The following FAM185A variants were observed in gnomAD, a reference collection of about 807,000 sequenced individuals.
The protein encoded by FAM185A is protein FAM185A.
FAM185A carries 21 observed loss-of-function variants against 45.7 expected under a neutral mutation model. The observed-to-expected ratio is 0.46, with a 90% CI of 0.33 to 0.66. The LOEUF (loss-of-function observed/expected upper bound fraction) is 0.66, where lower values mean the gene tolerates loss of function less well. FAM185A is among the 30% of genes least tolerant of loss of function. The pLI is 0.03. For missense variants in FAM185A, 305 were observed against 485.4 expected (o/e 0.63, Z 3.49); for synonymous variants, 117 against 194.0 (o/e 0.60, Z 3.30).
rs1256594483 is a variant in FAM185A at position 102,749,193 on chromosome 7, C to A, written c.-15C>A. On this transcript the variant is annotated 5_prime_UTR_variant, in exon 1 of 8. Transcript: ENST00000413034. ...GTGGCTGAAGTGTTCTGAGGACTGGCGAGAGAGGCGCGCCATGCTTGCCCC... is the reference window on the plus strand; with the variant it reads ...GTGGCTGAAGTGTTCTGAGGACTGGAGAGAGAGGCGCGCCATGCTTGCCCC... The A allele has an allele frequency of 1.1e-5, 17 of 1,551,070 alleles. No individual in the cohort carries two copies. The highest frequency in any genetic ancestry group is 1.7e-4 in the Middle Eastern group (1 of 6,002).
chr7:102,827,455 C>A, the FAM185A span, among the ~76,000 whole-genome samples: 1 of 152,138 alleles, frequency 6.6e-6, no homozygotes, highest in East Asian at 1.9e-4. Flanking sequence ...ACTGGTTACA[C>A]AGCAAAAGAT....
chr7:102,822,368 T>C, the FAM185A span: 4 of 742,438 alleles, frequency 5.4e-6, no homozygotes, highest in East Asian at 2.7e-5. Flanking sequence ...AAGACTGAGA[T>C]AAAGATAGAG....
Position 102,792,925 on chromosome 7 carries a change from A to G in FAM185A, c.1066+5456A>G, listed in dbSNP as rs138054309. Among the ~76,000 whole-genome samples, 859 of 152,336 alleles carry G rather than the reference A, an allele frequency of 5.6e-3. 9 individuals carry two copies. The highest frequency in any genetic ancestry group is 0.019 in the African/African-American group (800 of 41,572). On this transcript the variant is annotated intron_variant, in intron 7 of 7. Transcript: ENST00000413034. ...TCATAAGATGCCACTTTAAAAATCTAGAGACACTGTTTTCTCTCCAAATCG... is the reference window on the plus strand; with the variant it reads ...TCATAAGATGCCACTTTAAAAATCTGGAGACACTGTTTTCTCTCCAAATCG...
intron 7 of FAM185A, among the ~76,000 whole-genome samples, chr7:102,794,573 A>G (rs922299917): frequency 6.6e-6 from 1 of 152,194 alleles, no homozygotes; most frequent in African/African-American, 2.4e-5. Flanking sequence ...AAAATGATAC[A>G]GCTACTCTAT....
At chr7:102,753,524 A>G (rs1584269400) in intron 2 of FAM185A, among the ~76,000 whole-genome samples, 1 of 152,056 alleles carries the variant, frequency 6.6e-6, no homozygotes, top group African/African-American at 2.4e-5. Context: ...TTTGGCCTCT[A>G]CCTTTTAGAT....
chr7:102,833,120 A>G, the FAM185A span: 3 of 812,488 alleles, frequency 3.7e-6, no homozygotes, highest in Non-Finnish European at 5.7e-6. Context: ...TAAAAAACCC[A>G]TGTTACATCC....
the FAM185A span, chr7:102,821,890 C>A: frequency 1.7e-5 from 14 of 844,300 alleles, no homozygotes; most frequent in Admixed American, 5.4e-5. Flanking sequence ...TAGAACAACT[C>A]ACAATGTTAG....
At chr7:102,776,867 G>A (rs1272520078) in intron 5 of FAM185A, among the ~76,000 whole-genome samples, 2 of 151,672 alleles carry the variant, frequency 1.3e-5, no homozygotes, top group Non-Finnish European at 2.9e-5. Flanking sequence ...CTATACATGA[G>A]GTAGAATTCT....
chr7:102,750,749 A>G lies in FAM185A; in HGVS notation c.452-943A>G, dbSNP rs188891980. Among the ~76,000 whole-genome samples, 390 of 152,356 alleles carry G rather than the reference A, an allele frequency of 2.6e-3. 3 individuals carry two copies. The highest frequency in any genetic ancestry group is 8.9e-3 in the African/African-American group (370 of 41,576). On this transcript the variant is annotated intron_variant, in intron 1 of 7. Coordinates refer to ENST00000413034, the MANE Select transcript of FAM185A (RefSeq NM_001145268.2). ...TCATCAATATTTATGTTAATTCCAA[A>G]TTAAATATCAGCGTTTTTAATTTTT...
intron 7 of FAM185A, among the ~76,000 whole-genome samples, chr7:102,807,387 C>T (rs1393066382): frequency 6.6e-6 from 1 of 152,088 alleles, no homozygotes; most frequent in Admixed American, 6.5e-5. Context: ...CAGTAAAGCT[C>T]TTTTTAAAGA....
At chr7:102,770,931 C>A (rs1192975623) in intron 4 of FAM185A, among the ~76,000 whole-genome samples, 2 of 152,258 alleles carry the variant, frequency 1.3e-5, no homozygotes, top group Admixed American at 1.3e-4. Context: ...CAGCTCTATT[C>A]ACAATAGCAA....
chr7:102,849,472 C>G, the FAM185A span, among the ~76,000 whole-genome samples: 1 of 152,110 alleles, frequency 6.6e-6, no homozygotes, highest in African/African-American at 2.4e-5. Context: ...ATTCATTTTT[C>G]TCATTAAGCG....
At chr7:102,810,470 G>A (rs955263462), downstream of FAM185A, among the ~76,000 whole-genome samples, 2 of 152,024 alleles carry the variant, frequency 1.3e-5, no homozygotes, top group African/African-American at 4.8e-5. Context: ...GGCCTCATGT[G>A]ATCTGCCTGC....
chr7:102,777,850 C>A (rs1795162278), intron 6 of FAM185A, among the ~76,000 whole-genome samples: 2 of 152,070 alleles, frequency 1.3e-5, no homozygotes, highest in Admixed American at 6.5e-5. Context: ...TATGATATGT[C>A]TCTATCATTT....
rs538767931 is a variant in FAM185A, at chr7:102,799,738, G to A, written c.1067-8552G>A. Among the ~76,000 whole-genome samples the A allele has an allele frequency of 1.7e-3, 258 of 152,204 alleles. 1 individual carries two copies. Among genetic ancestry groups the A allele is most frequent in the African/African-American group, 5.7e-3 (236 of 41,532 alleles). On this transcript the variant is annotated intron_variant, in intron 7 of 7. Coordinates refer to ENST00000413034, the MANE Select transcript of FAM185A (RefSeq NM_001145268.2). ...GGCTTGTAGCAAGAGAAGGGAAAGTGTTTGTTTGTAGGGACCAAGCAAGGA... is the reference window on the plus strand; with the variant it reads ...GGCTTGTAGCAAGAGAAGGGAAAGTATTTGTTTGTAGGGACCAAGCAAGGA...
At chr7:102,839,847 C>A in the FAM185A span, among the ~76,000 whole-genome samples, 1 of 151,828 alleles carries the variant, frequency 6.6e-6, no homozygotes, top group Non-Finnish European at 1.5e-5. Flanking sequence ...TATATTTAAA[C>A]ATATAAAATA....
intron 4 of FAM185A, among the ~76,000 whole-genome samples, chr7:102,771,586 G>A (rs1386678298): frequency 3.3e-5 from 5 of 151,944 alleles, no homozygotes. Flanking sequence ...TATATGAAAT[G>A]AGATAAAATG....
intron 1 of FAM185A, 124 bp from the exon 2 acceptor site, chr7:102,751,568 A>C: frequency 4.2e-6 from 5 of 1,184,076 alleles, no homozygotes; most frequent in Non-Finnish European, 5.7e-6. Context: ...TTACCTTTAC[A>C]GTATGCACTT....
chr7:102,781,789 C>T (rs1458677702), intron 6 of FAM185A, among the ~76,000 whole-genome samples: 18 of 152,254 alleles, frequency 1.2e-4, no homozygotes, highest in South Asian at 2.1e-4. Context: ...TCACCAGTAA[C>T]GGAACAAAGC....
Sources: allele counts gnomAD v4.1 joint callset (sites outside exome capture counted in the v4.1 genomes callset), GRCh38; gene constraint gnomAD v4.1.1; transcripts MANE v1.5; gene names NCBI Gene and HGNC (gene_info 2026-07-23, HGNC 2026-07-21).